FRMPD4: variants seen among roughly 807,000 people sequenced by gnomAD.
FRMPD4 encodes FERM and PDZ domain containing 4, also known as FERM and PDZ domain-containing protein 4.
FRMPD4 carries 22 observed loss-of-function variants against 94.1 expected under a neutral mutation model. The ratio of observed to expected loss-of-function variants is 0.23; its 90% CI spans 0.17 to 0.33. FRMPD4 has a LOEUF of 0.33. Among genes scored for constraint, FRMPD4 ranks in the 10% least tolerant of loss-of-function variants. The probability of loss-of-function intolerance (pLI) is 1.00; values close to 1 mark genes in which losing one functional copy is unlikely to be tolerated. For synonymous variants in FRMPD4, 631 were observed against 548.6 expected (o/e 1.15, Z -2.10); for missense variants, 1,111 against 1,339.9 (o/e 0.83, Z 2.67).
intron 2 of FRMPD4, among the ~76,000 whole-genome samples, chrX:12,587,381 A>G (rs756036488): frequency 8.9e-6 from 1 of 111,879 alleles, no homozygotes; most frequent in Non-Finnish European, 1.9e-5. Flanking sequence ...ATCTAGTTCC[A>G]GAACATTTTC....
At chrX:12,134,232 CAGA>C (rs1213570860), upstream of FRMPD4, among the ~76,000 whole-genome samples, 1 of 112,245 alleles carries the variant, frequency 8.9e-6, no homozygotes, top group Non-Finnish European at 1.9e-5. Flanking sequence ...CCCTTTCCAT[CAGA>C]AGAATTTTAA....
chrX:11,848,797 A>T (rs1164139684), intron 1 of FRMPD4, among the ~76,000 whole-genome samples: 2 of 111,016 alleles, frequency 1.8e-5, no homozygotes, highest in African/African-American at 6.6e-5. Flanking sequence ...TTCCCCTGTA[A>T]TTGAGGTCAC....
chrX:12,218,310 G>C (rs1031595900), intron 1 of FRMPD4, among the ~76,000 whole-genome samples: 12 of 111,849 alleles, frequency 1.1e-4, no homozygotes, highest in African/African-American at 1.6e-4. Context: ...GAAACTCCTT[G>C]GCTATAACAA....
intron 3 of FRMPD4, among the ~76,000 whole-genome samples, chrX:11,934,943 G>A (rs977823069): frequency 5.4e-5 from 6 of 111,475 alleles, no homozygotes; most frequent in African/African-American, 1.6e-4. Flanking sequence ...GCAAAATTAC[G>A]GGCAAGACAA....
intron 1 of FRMPD4, among the ~76,000 whole-genome samples, chrX:11,823,653 C>T (rs961387701): frequency 2.8e-4 from 31 of 111,557 alleles, no homozygotes; most frequent in African/African-American, 9.1e-4. Context: ...TGTTGTAGCA[C>T]GGAGGCAGCC....
chrX:12,642,295 A>G (rs187199263), intron 4 of FRMPD4, among the ~76,000 whole-genome samples: 32 of 112,007 alleles, frequency 2.9e-4, no homozygotes, highest in African/African-American at 9.7e-4. Flanking sequence ...TAATGATGGC[A>G]TAGGAGTAGA....
At chrX:12,219,966 A>G (rs1240136582) in intron 1 of FRMPD4, among the ~76,000 whole-genome samples, 2 of 111,626 alleles carry the variant, frequency 1.8e-5, no homozygotes, top group African/African-American at 6.5e-5. Context: ...ACATGGAGAA[A>G]CCCTGTCTCT....
intron 1 of FRMPD4, among the ~76,000 whole-genome samples, chrX:12,471,347 A>T (rs907539552): frequency 8.9e-6 from 1 of 112,261 alleles, no homozygotes; most frequent in Non-Finnish European, 1.9e-5. Context: ...TAAGTAATGG[A>T]GCAAAAATAA....
chrX:12,252,312 T>C (rs2054052364), intron 1 of FRMPD4, among the ~76,000 whole-genome samples: 1 of 111,611 alleles, frequency 9.0e-6, no homozygotes, highest in Non-Finnish European at 1.9e-5. Context: ...TATATTTGCC[T>C]GAACCAGTGA....
At chrX:12,310,771 A>C (rs1352342074) in intron 1 of FRMPD4, among the ~76,000 whole-genome samples, 1 of 112,209 alleles carries the variant, frequency 8.9e-6, no homozygotes, top group Non-Finnish European at 1.9e-5. Flanking sequence ...TTATCTGCTC[A>C]GCAGGCAAGA....
rs186600825 is a variant in FRMPD4 at position 11,913,996 on chromosome X, C to T, written c.95+35978C>T. Among the ~76,000 whole-genome samples, 42 of 112,082 alleles carry T rather than the reference C, an allele frequency of 3.7e-4. No individual in the cohort carries two copies. In the Middle Eastern group the frequency reaches 0.018, roughly 49 times the overall value. On this transcript the variant is annotated intron_variant, in intron 3 of 18. Coordinates refer to the FRMPD4 transcript ENST00000640291. ...TTGGTAATTGTAGTCATTTTAACCACGTTAGACAGTGAGAGTTTCCAATAC... is the reference window on the plus strand; with the variant it reads ...TTGGTAATTGTAGTCATTTTAACCATGTTAGACAGTGAGAGTTTCCAATAC...
Position 12,553,460 on chromosome X carries a change from A to ATATATATATATATG in FRMPD4, c.158+54671_158+54672insATATATGTATATAT, listed in dbSNP as rs769330484. 2.9e-3 allele frequency among the ~76,000 whole-genome samples: 235 copies of ATATATATATATATG among 81,515 alleles called. 4 individuals are homozygous for ATATATATATATATG. The highest frequency in any genetic ancestry group is 0.011 in the African/African-American group (221 of 19,982). The allele number at this position is 81,515 out of a possible 115,157, so 70.8% of individuals were successfully genotyped here. A position where few individuals can be genotyped will look rare whatever the true frequency, so the allele number is the denominator to read the frequency against. ...TATATATATATATATATATATATATATATATATCTAATCCACTAATTTATT... is the reference window on the plus strand; with the variant it reads ...TATATATATATATATATATATATATATATATATATATATGTATATATCTAATCCACTAATTTATT... On this transcript the variant is annotated intron_variant, in intron 2 of 16. Transcript: ENST00000675598.
At chrX:12,565,341 A>G (rs1336264454) in intron 2 of FRMPD4, among the ~76,000 whole-genome samples, 1 of 111,449 alleles carries the variant, frequency 9.0e-6, no homozygotes, top group African/African-American at 3.3e-5. Context: ...GGGGTAAAAA[A>G]TATATATAGC....
chrX:12,407,746 T>C (rs748091213), intron 1 of FRMPD4, among the ~76,000 whole-genome samples: 5 of 111,540 alleles, frequency 4.5e-5, no homozygotes, highest in Non-Finnish European at 7.5e-5. Flanking sequence ...TTTGCTCTTA[T>C]AGAACAAAAG....
chrX:12,671,424 T>G (rs928445230), intron 4 of FRMPD4, among the ~76,000 whole-genome samples: 11 of 111,585 alleles, frequency 9.9e-5, no homozygotes, highest in African/African-American at 9.8e-5. Context: ...GATGAGTTCA[T>G]GTCCTTTGCA....
chrX:12,560,239 A>G (rs1478196808), intron 2 of FRMPD4, among the ~76,000 whole-genome samples: 1 of 110,630 alleles, frequency 9.0e-6, no homozygotes, highest in East Asian at 2.8e-4. Context: ...TTTTTTCTTT[A>G]ATTTTAGAGT....
At chrX:11,823,843 G>A (rs1365151556) in intron 1 of FRMPD4, among the ~76,000 whole-genome samples, 6 of 111,366 alleles carry the variant, frequency 5.4e-5, no homozygotes, top group East Asian at 5.6e-4. Context: ...AAAAACGGGC[G>A]GCAACCCAGG....
At chrX:12,008,238 G>A in intron 3 of FRMPD4, among the ~76,000 whole-genome samples, 1 of 111,842 alleles carries the variant, frequency 8.9e-6, no homozygotes, top group Non-Finnish European at 1.9e-5. Flanking sequence ...GGAAACTGAG[G>A]CATAGAGCAG....
intron 1 of FRMPD4, among the ~76,000 whole-genome samples, chrX:12,168,923 C>T (rs760936313): frequency 4.5e-5 from 5 of 112,102 alleles, no homozygotes; most frequent in African/African-American, 1.6e-4. Flanking sequence ...CCGTGCCTGG[C>T]AAGACACTGA....
Sources: gnomAD v4.1 joint callset for allele counts (sites outside exome capture counted in the v4.1 genomes callset) on GRCh38, gnomAD v4.1.1 for gene constraint, MANE v1.5 for transcripts, NCBI Gene and HGNC (gene_info 2026-07-23, HGNC 2026-07-21) for gene names.